FGF12: variants seen among roughly 807,000 people sequenced by gnomAD.
FGF12 encodes the protein fibroblast growth factor 12B.
A neutral mutation model predicts 23.6 loss-of-function variants in FGF12; 14 were observed. The ratio of observed to expected loss-of-function variants is 0.59; its 90% CI spans 0.39 to 0.93. The LOEUF (loss-of-function observed/expected upper bound fraction) is 0.93, where lower values mean the gene tolerates loss of function less well. FGF12 is among the 40% of genes least tolerant of loss of function. The pLI is 0.00. For synonymous variants in FGF12, 62 were observed against 77.3 expected (o/e 0.80, Z 1.04); for missense variants, 175 against 217.8 (o/e 0.80, Z 1.24).
chr3:192,379,203 A>G (rs146405841), intron 2 of FGF12, among the ~76,000 whole-genome samples: 209 of 152,282 alleles, frequency 1.4e-3, no homozygotes, highest in African/African-American at 5.0e-3. Flanking sequence ...GTGAATTGCA[A>G]AAGCAGTTAT....
At chr3:192,375,732 T>C (rs1056733618) in intron 2 of FGF12, among the ~76,000 whole-genome samples, 4 of 151,694 alleles carry the variant, frequency 2.6e-5, no homozygotes, top group African/African-American at 9.7e-5. Flanking sequence ...AGTGTAAAAA[T>C]GTCTCAGTGT....
In FGF12 at chr3:192,486,243, T is replaced by C. The variant is rs373265903; in HGVS notation, c.14-125705A>G. 3.3e-5 allele frequency among the ~76,000 whole-genome samples: 5 copies of C among 152,184 alleles called. No homozygotes were observed. The East Asian group carries it at 9.6e-4, about 29-fold the overall frequency. On this transcript the variant is annotated intron_variant, in intron 2 of 5. Coordinates refer to ENST00000445105, the MANE Select transcript of FGF12 (RefSeq NM_004113.6). ...TATATCAATGAGCAAGACAGACGTT[T>C]CTTATCCTCAAGTAGTTTACACTCA...
chr3:192,306,247 G>A (rs1715646819), intron 4 of FGF12, among the ~76,000 whole-genome samples: 1 of 152,004 alleles, frequency 6.6e-6, no homozygotes, highest in Non-Finnish European at 1.5e-5. Context: ...ATATGTTAGG[G>A]GACACAACAA....
At chr3:192,189,662 C>T (rs1431963349) in intron 4 of FGF12, among the ~76,000 whole-genome samples, 1 of 152,122 alleles carries the variant, frequency 6.6e-6, no homozygotes, top group Non-Finnish European at 1.5e-5. Context: ...CAGAAAACAG[C>T]CACATGAAGA....
chr3:192,657,130 A>G (rs1210333687), intron 2 of FGF12, among the ~76,000 whole-genome samples: 1 of 152,028 alleles, frequency 6.6e-6, no homozygotes, highest in Non-Finnish European at 1.5e-5. Flanking sequence ...TACATTCATA[A>G]AGACAATAAC....
intron 2 of FGF12, among the ~76,000 whole-genome samples, chr3:192,609,764 A>G (rs558649198): frequency 2.0e-5 from 3 of 152,086 alleles, no homozygotes; most frequent in Non-Finnish European, 4.4e-5. Flanking sequence ...TCAGAAGGTC[A>G]TAACTGTATT....
At chr3:192,669,835 C>T (rs1577111248) in intron 2 of FGF12, among the ~76,000 whole-genome samples, 1 of 152,162 alleles carries the variant, frequency 6.6e-6, no homozygotes, top group Admixed American at 6.5e-5. Flanking sequence ...AGCTGCATGA[C>T]TCAGTGAACC....
At position 192,352,083 on chromosome 3, in the gene FGF12, A is replaced by G. The variant is rs1472540882; in HGVS notation, c.124+8345T>C. 2.6e-5 allele frequency among the ~76,000 whole-genome samples: 4 copies of G among 152,006 alleles called. No individual in the cohort carries two copies. In the East Asian group the frequency reaches 7.7e-4, roughly 29 times the overall value. On this transcript the variant is annotated intron_variant, in intron 3 of 5. Coordinates refer to ENST00000445105, the MANE Select transcript of FGF12 (RefSeq NM_004113.6). The stretch of plus-strand genomic sequence containing the variant: ...ATCCTCCAAACTTATATTTGATCAT[A>G]TATCTGTCCAGAATTGAGCCTTGAC...
chr3:192,618,584 G>A (rs1241095345), intron 2 of FGF12, among the ~76,000 whole-genome samples: 4 of 152,050 alleles, frequency 2.6e-5, no homozygotes, highest in African/African-American at 9.7e-5. Context: ...CAGAATTAAA[G>A]CTAAAAATAT....
At chr3:192,182,163 T>C (rs1369343975) in intron 4 of FGF12, among the ~76,000 whole-genome samples, 1 of 152,040 alleles carries the variant, frequency 6.6e-6, no homozygotes, top group Admixed American at 6.6e-5. Context: ...GATTGGAAAA[T>C]ATCTTGAAGC....
intron 2 of FGF12, among the ~76,000 whole-genome samples, chr3:192,669,058 G>A (rs1717005385): frequency 6.6e-6 from 1 of 152,100 alleles, no homozygotes; most frequent in South Asian, 2.1e-4. Context: ...GAGCATAAAA[G>A]AATAGGCAAG....
At chr3:192,573,858 T>C (rs1051951575) in intron 2 of FGF12, among the ~76,000 whole-genome samples, 2 of 152,242 alleles carry the variant, frequency 1.3e-5, no homozygotes, top group Non-Finnish European at 2.9e-5. Context: ...ATCTTATCCA[T>C]GCCCTTCCTC....
Position 192,278,820 on chromosome 3 carries a change from T to G in FGF12, c.228+56541A>C, listed in dbSNP as rs138388838. Among the ~76,000 whole-genome samples, 173 of 152,262 alleles carry G rather than the reference T, an allele frequency of 1.1e-3. 1 individual carries two copies. The highest frequency in any genetic ancestry group is 2.9e-3 in the South Asian group (14 of 4,814). On this transcript the variant is annotated intron_variant, in intron 4 of 5. Coordinates refer to ENST00000445105, the MANE Select transcript of FGF12 (RefSeq NM_004113.6). ...ACAGTAGGTAAGCGCTACCCCCAGA[T>G]TCTTACTGAAGTACCAATCAAGTAA... is the stretch of plus-strand genomic sequence containing the variant.
intron 4 of FGF12, among the ~76,000 whole-genome samples, chr3:192,218,113 G>A (rs6773886): frequency 0.042 from 6,417 of 152,192 alleles, 444 homozygotes; most frequent in African/African-American, 0.15. Context: ...GATTACAAGC[G>A]TCAGCCACCA....
chr3:192,472,192 A>C (rs1430140648), intron 2 of FGF12, among the ~76,000 whole-genome samples: 1 of 151,974 alleles, frequency 6.6e-6, no homozygotes, highest in Non-Finnish European at 1.5e-5. Flanking sequence ...AATTTTATGC[A>C]TTTTTAGTAG....
intron 2 of FGF12, among the ~76,000 whole-genome samples, chr3:192,618,701 G>T (rs1435607181): frequency 6.6e-6 from 1 of 151,980 alleles, no homozygotes; most frequent in African/African-American, 2.4e-5. Flanking sequence ...AAAAAGAAAG[G>T]TAATAACGCT....
intron 4 of FGF12, among the ~76,000 whole-genome samples, chr3:192,324,041 G>A (rs976655300): frequency 6.6e-6 from 1 of 152,124 alleles, no homozygotes; most frequent in Middle Eastern, 3.4e-3. Flanking sequence ...GCAGTGAGCC[G>A]AGATCAAGCC....
intron 4 of FGF12, among the ~76,000 whole-genome samples, chr3:192,215,906 C>A (rs1053033648): frequency 1.3e-5 from 2 of 152,130 alleles, no homozygotes; most frequent in African/African-American, 2.4e-5. Flanking sequence ...TTTTAAGACT[C>A]CTCCTTCTTC....
intron 4 of FGF12, among the ~76,000 whole-genome samples, chr3:192,223,108 C>A (rs956238865): frequency 2.8e-4 from 42 of 152,032 alleles, no homozygotes; most frequent in African/African-American, 9.9e-4. Flanking sequence ...CTTGCAAATG[C>A]CTAAATTAAA....
Sources: gnomAD v4.1 joint callset for allele counts (sites outside exome capture counted in the v4.1 genomes callset) on GRCh38, gnomAD v4.1.1 for gene constraint, MANE v1.5 for transcripts, NCBI Gene and HGNC (gene_info 2026-07-23, HGNC 2026-07-21) for gene names.